FARP1: variants seen among roughly 807,000 people sequenced by gnomAD.
FARP1 encodes FERM, ARHGEF and pleckstrin domain-containing protein 1.
Under a neutral mutation model 128.8 loss-of-function variants are expected in FARP1, and 52 were observed. The observed-to-expected ratio is 0.40, with a 90% CI of 0.32 to 0.51. The LOEUF (loss-of-function observed/expected upper bound fraction) is 0.51. Ranked by LOEUF, FARP1 falls within the 20% of genes least tolerant of loss-of-function variation. The pLI is 0.45. For missense variants in FARP1, 1,333 were observed against 1,367.9 expected (o/e 0.97, Z 0.40); for synonymous variants, 580 against 551.8 (o/e 1.05, Z -0.72).
At chr13:98,394,018 C>G (rs996096012) in intron 12 of FARP1, among the ~76,000 whole-genome samples, 3 of 152,214 alleles carry the variant, frequency 2.0e-5, no homozygotes, top group African/African-American at 7.2e-5. Context: ...GTGGGCAGAG[C>G]TGAGACTGAC....
rs1323691723 is a variant in FARP1 at position 98,439,835 on chromosome 13, G to T, written c.2434-126G>T. 6.0e-6 allele frequency: 4 copies of T among 669,660 alleles called. No individual in the cohort carries two copies. The East Asian group carries it at 7.8e-5, about 13-fold the overall frequency. 41.5% of individuals were successfully genotyped at this position (669,660 alleles called of 1,614,324 possible). On this transcript the variant is annotated intron_variant, in intron 21 of 26. Coordinates refer to ENST00000319562, the MANE Select transcript of FARP1 (RefSeq NM_005766.4). ...CTCAGAGTGCCTTCTCCCTCTGTGG[G>T]GCTCTGGGTCTCCTGAGCCCTGCTC...
At chr13:98,384,521 G>C in intron 6 of FARP1, 1 of 583,328 alleles carries the variant, frequency 1.7e-6, no homozygotes. Flanking sequence ...TGATAGAGAT[G>C]AGGAGGGGAG....
chr13:98,144,940 G>GTAC (rs1034811783), intron 1 of FARP1, among the ~76,000 whole-genome samples: 56 of 152,272 alleles, frequency 3.7e-4, no homozygotes, highest in African/African-American at 1.3e-3. Context: ...CTTCATAAGT[G>GTAC]GGTACAGCTA....
intron 2 of FARP1, among the ~76,000 whole-genome samples, chr13:98,310,123 C>T (rs534746476): frequency 1.3e-5 from 2 of 149,958 alleles, no homozygotes; most frequent in Non-Finnish European, 1.5e-5. Context: ...AAGATAATCT[C>T]GATGGCCTTC....
At position 98,321,748 on chromosome 13, in the gene FARP1, C is replaced by G. The variant is rs9584798; in HGVS notation, c.172-22014C>G. ...AGCTACTTAGTCATTAAAAGAAAACCATAGCTCTTTGAGCATTGTTATTTG... is the reference window on the plus strand; with the variant it reads ...AGCTACTTAGTCATTAAAAGAAAACGATAGCTCTTTGAGCATTGTTATTTG... On this transcript the variant is annotated intron_variant, in intron 2 of 26. Coordinates refer to ENST00000319562, the MANE Select transcript of FARP1 (RefSeq NM_005766.4). 9.9e-3 allele frequency among the ~76,000 whole-genome samples: 1,511 copies of G among 152,270 alleles called. 29 individuals are homozygous for G. The highest frequency in any genetic ancestry group is 0.034 in the African/African-American group (1,429 of 41,538).
Position 98,176,650 on chromosome 13 carries a change from C to A in FARP1, c.-24+33158C>A. On this transcript the variant is annotated intron_variant, in intron 1 of 26. Coordinates refer to ENST00000319562, the MANE Select transcript of FARP1 (RefSeq NM_005766.4). This position sits in a 1 kb window ranked among gnomAD's most constrained non-coding sequence, Gnocchi z 6.2. Reference sequence around the variant, plus strand: ...GAAGCCAGTCTCCTTGTAGTCCTTGCAGATGTCAGGCTGGTAATCCCAGCG... The same window carrying A: ...GAAGCCAGTCTCCTTGTAGTCCTTGAAGATGTCAGGCTGGTAATCCCAGCG... 6.2e-7 allele frequency: 1 copy of A among 1,614,228 alleles called. No individual in the cohort carries two copies. Among genetic ancestry groups the A allele is most frequent in the Non-Finnish European group, 8.5e-7 (1 of 1,180,034 alleles).
intron 2 of FARP1, among the ~76,000 whole-genome samples, chr13:98,308,044 T>C (rs1471215242): frequency 0.32 from 2,545 of 8,044 alleles, 247 homozygotes; most frequent in Middle Eastern, 0.5. Context: ...TTTTTTTTTT[T>C]TTTTTTTTTT....
intron 2 of FARP1, among the ~76,000 whole-genome samples, chr13:98,260,934 A>G (rs2139536423): frequency 6.6e-6 from 1 of 152,300 alleles, no homozygotes; most frequent in African/African-American, 2.4e-5. Context: ...TCAGTTAAAC[A>G]CCGAGGCAGG....
chr13:98,390,084 C>T lies in FARP1; in HGVS notation c.983C>T (p.Pro328Leu). ...GAAGAGCCCAAACCAAAGCCCAAGC[C>T]CGTCCTCTTTAGCCGGGGGTCATCA... ...LFEEPKPKPK[P>L]VLFSRGSSFR... Residue 328 changes from proline (P) to leucine (L), a missense_variant, in exon 10 of 27, where the codon CCC becomes CTC. Pro to Leu is a moderately conservative substitution (Grantham distance 98, BLOSUM62 -3). Transcript: ENST00000319562. 6.2e-7 allele frequency: 1 copy of T among 1,614,216 alleles called. No homozygotes were observed. The highest frequency in any genetic ancestry group is 8.5e-7 in the Non-Finnish European group (1 of 1,180,046).
At chr13:98,385,888 A>G in intron 8 of FARP1, 74 bp downstream of exon 8, 1 of 1,494,512 alleles carries the variant, frequency 6.7e-7, no homozygotes, top group South Asian at 1.1e-5. Flanking sequence ...ACTCTGATTC[A>G]TATTCAGTGG....
chr13:98,440,575 C>T, intron 23 of FARP1, 95 bp from the exon 24 acceptor site: 1 of 1,321,040 alleles, frequency 7.6e-7, no homozygotes, highest in Non-Finnish European at 1.0e-6. Flanking sequence ...GTTGTGACTG[C>T]TGTGAGCCCC....
intron 2 of FARP1, among the ~76,000 whole-genome samples, chr13:98,272,813 G>A (rs1259745106): frequency 1.3e-5 from 2 of 152,322 alleles, no homozygotes; most frequent in East Asian, 1.9e-4. Context: ...GGCTCAGAGT[G>A]GGGCCATGGG....
In FARP1 at chr13:98,161,256, C is replaced by T. The variant is rs1371160437; in HGVS notation, c.-24+17764C>T. Among the ~76,000 whole-genome samples, 4 of 147,542 alleles carry T rather than the reference C, an allele frequency of 2.7e-5. No individual in the cohort carries two copies. The East Asian group carries it at 5.9e-4, about 22-fold the overall frequency. ...TTGAGATGGAGCTTTGCTCTTGTTGCCCAAGCCAGAGTGCAATGGTGTGAT... is the reference window on the plus strand; with the variant it reads ...TTGAGATGGAGCTTTGCTCTTGTTGTCCAAGCCAGAGTGCAATGGTGTGAT... On this transcript the variant is annotated intron_variant, in intron 1 of 26. Coordinates refer to ENST00000319562, the MANE Select transcript of FARP1 (RefSeq NM_005766.4).
chr13:98,445,919 T>G, intron 24 of FARP1, 179 bp from the exon 25 acceptor site: 2 of 552,306 alleles, frequency 3.6e-6, no homozygotes, highest in Non-Finnish European at 3.2e-6. Context: ...GGGGAAGTGA[T>G]GAGATCAGGG....
chr13:98,292,698 T>C (rs926978650), intron 2 of FARP1, among the ~76,000 whole-genome samples: 1 of 152,202 alleles, frequency 6.6e-6, no homozygotes, highest in Non-Finnish European at 1.5e-5. Flanking sequence ...GAACCATCTA[T>C]GATAAATTAT....
intron 2 of FARP1, among the ~76,000 whole-genome samples, chr13:98,282,985 AAT>A (rs781213682): frequency 1.1e-4 from 17 of 152,208 alleles, no homozygotes; most frequent in Non-Finnish European, 2.1e-4. Flanking sequence ...CCATAAAAAC[AAT>A]ATGTCATTAT....
chr13:98,275,359 G>GAGAGAGAC (rs1884590511), intron 2 of FARP1, among the ~76,000 whole-genome samples: 2 of 143,020 alleles, frequency 1.4e-5, no homozygotes, highest in Non-Finnish European at 3.0e-5. Context: ...GAGAGAGAGA[G>GAGAGAGAC]AGAGAGATAA....
At chr13:98,192,875 A>G (rs1407848972) in intron 1 of FARP1, among the ~76,000 whole-genome samples, 1 of 152,214 alleles carries the variant, frequency 6.6e-6, no homozygotes, top group African/African-American at 2.4e-5. Context: ...TATTTTATCA[A>G]GTGAAGTAGA....
intron 3 of FARP1, among the ~76,000 whole-genome samples, chr13:98,359,968 G>A (rs1888797355): frequency 6.6e-6 from 1 of 152,134 alleles, no homozygotes; most frequent in Admixed American, 6.5e-5. Context: ...CTCAAAGGCG[G>A]TATTGCAGCT....
Sources: allele counts gnomAD v4.1 joint callset (sites outside exome capture counted in the v4.1 genomes callset), GRCh38; gene constraint gnomAD v4.1.1; non-coding constraint Gnocchi (gnomAD v3.1); transcripts MANE v1.5; gene names NCBI Gene and HGNC (gene_info 2026-07-23, HGNC 2026-07-21).